Variants in ATF1 observed in about 807,000 individuals in gnomAD.
ATF1 encodes cyclic AMP-dependent transcription factor ATF-1.
ATF1 carries 16 observed loss-of-function variants against 34.7 expected under a neutral mutation model. The ratio of observed to expected loss-of-function variants is 0.46; its 90% confidence interval spans 0.31 to 0.70. The LOEUF (loss-of-function observed/expected upper bound fraction) is 0.70. ATF1 is among the 30% of genes least tolerant of loss of function. The pLI is 0.05. For missense variants in ATF1, 255 were observed against 321.6 expected (o/e 0.79, Z 1.58); for synonymous variants, 105 against 113.1 (o/e 0.93, Z 0.46).
In ATF1 at chr12:50,781,746, C is replaced by T. The variant is rs887005234; in HGVS notation, c.93+1508C>T. Among the ~76,000 whole-genome samples, 56 of 151,668 alleles carry T rather than the reference C, an allele frequency of 3.7e-4. 1 individual carries two copies. The highest frequency in any genetic ancestry group is 4.9e-4 in the Non-Finnish European group (33 of 67,946). ...GATTACAGGCGTGAGCCACCGTGCC[C>T]GGCCAAAAAATTTTAAAAATTAGCT... On this transcript the variant is annotated intron_variant, in intron 2 of 6. Coordinates refer to ENST00000262053, the MANE Select transcript of ATF1 (RefSeq NM_005171.5).
chr12:50,795,058 T>C (rs1941383371), intron 2 of ATF1, among the ~76,000 whole-genome samples: 1 of 152,262 alleles, frequency 6.6e-6, no homozygotes, highest in Non-Finnish European at 1.5e-5. Context: ...GTGTTGCATG[T>C]ATTAACTTGT....
At chr12:50,813,948 C>T (rs1941788186) in intron 4 of ATF1, 62 bp from the exon 5 acceptor site, 1 of 1,489,182 alleles carries the variant, frequency 6.7e-7, no homozygotes, top group South Asian at 1.3e-5. Context: ...GGCTTTTTGC[C>T]ACTCCTTTGA....
chr12:50,791,959 C>T (rs1941311138), intron 2 of ATF1, among the ~76,000 whole-genome samples: 1 of 152,064 alleles, frequency 6.6e-6, no homozygotes, highest in African/African-American at 2.4e-5. Context: ...TGGTGTTTCA[C>T]TCACTTTTTG....
chr12:50,787,127 CTT>C (rs1405787254), intron 2 of ATF1, among the ~76,000 whole-genome samples: 2 of 152,184 alleles, frequency 1.3e-5, no homozygotes, highest in Non-Finnish European at 2.9e-5. Context: ...GGTGTACTCT[CTT>C]GTTTTCCCAT....
rs918458746 is a variant in ATF1 at position 50,814,039 on chromosome 12, T to C, written c.358T>C (p.Leu120=). The C allele has an allele frequency of 1.1e-5, 18 of 1,613,774 alleles. No individual in the cohort carries two copies. Among genetic ancestry groups the C allele is most frequent in the Middle Eastern group, 3.3e-4 (2 of 6,082 alleles). Residue 120 remains leucine (L), a synonymous_variant, in exon 5 of 7, where the codon TTG becomes CTG. Coordinates refer to ENST00000262053, the MANE Select transcript of ATF1 (RefSeq NM_005171.5). ...CATTGCCCCAAATGGAGCCTTACAG[T>C]TGGCAAGTCCAGGCACAGATGGAGT... ...IAIAPNGALQ[L]ASPGTDGVQG...
intron 3 of ATF1, among the ~76,000 whole-genome samples, chr12:50,807,700 T>A (rs966950645): frequency 2.6e-5 from 4 of 152,214 alleles, no homozygotes; most frequent in African/African-American, 9.6e-5. Context: ...TTTTCTCATT[T>A]TTCTACAGTG....
At chr12:50,796,935 T>C (rs924566932) in intron 3 of ATF1, among the ~76,000 whole-genome samples, 2 of 152,168 alleles carry the variant, frequency 1.3e-5, no homozygotes, top group African/African-American at 4.8e-5. Flanking sequence ...AACGTGTCTG[T>C]GTAGCAAAGG....
chr12:50,813,595 C>G (rs1027655690), intron 4 of ATF1, among the ~76,000 whole-genome samples: 11 of 152,102 alleles, frequency 7.2e-5, no homozygotes, highest in Non-Finnish European at 1.6e-4. Flanking sequence ...GGGTGAATCA[C>G]CTGGGGTCAG....
chr12:50,786,479 A>G (rs770811919), intron 2 of ATF1, among the ~76,000 whole-genome samples: 9 of 152,116 alleles, frequency 5.9e-5, no homozygotes, highest in Non-Finnish European at 1.3e-4. Flanking sequence ...GTTTTTCTCC[A>G]AGGACCTCCA....
chr12:50,771,206 A>C (rs1940761799), intron 1 of ATF1, among the ~76,000 whole-genome samples: 2 of 152,080 alleles, frequency 1.3e-5, no homozygotes, highest in Admixed American at 6.6e-5. Context: ...GGGTTTCACC[A>C]TGTTGGCCAG....
At chr12:50,809,373 CAAAA>C (rs56060219) in intron 3 of ATF1, 79 bp from the exon 4 acceptor site, 3,839 of 751,844 alleles carry the variant, frequency 5.1e-3, no homozygotes, top group South Asian at 8.5e-3. Flanking sequence ...GATCTTGTCT[CAAAA>C]AAAAAAAAAA....
At position 50,764,224 on chromosome 12, in the gene ATF1, G is replaced by A; in HGVS notation, c.-90G>A. The A allele has an allele frequency of 6.6e-6, 1 of 152,112 alleles. No individual in the cohort carries two copies. The highest frequency in any genetic ancestry group is 1.5e-5 in the Non-Finnish European group (1 of 67,928). The allele number at this position is 152,112 out of a possible 1,614,324, so 9.4% of individuals were successfully genotyped here. A position where few individuals can be genotyped will look rare whatever the true frequency, so the allele number is the denominator to read the frequency against. On this transcript the variant is annotated 5_prime_UTR_variant, in exon 1 of 7. Coordinates refer to ENST00000262053, the MANE Select transcript of ATF1 (RefSeq NM_005171.5). ...TTGTCCCCCGCTGCGTGAGGGGGTG[G>A]GGAAGTGGGTAGTGAATTCGGATCT...
At chr12:50,808,631 C>G (rs1291557431) in intron 3 of ATF1, among the ~76,000 whole-genome samples, 3 of 151,828 alleles carry the variant, frequency 2.0e-5, no homozygotes, top group Non-Finnish European at 4.4e-5. Flanking sequence ...GCCCAGCCCT[C>G]TTTACTCTTT....
At chr12:50,772,518 G>A (rs1320603453) in intron 1 of ATF1, among the ~76,000 whole-genome samples, 1 of 151,906 alleles carries the variant, frequency 6.6e-6, no homozygotes, top group Non-Finnish European at 1.5e-5. Context: ...TAGAGACCGA[G>A]TTTCACCATG....
At chr12:50,812,162 A>G (rs1260258466) in intron 4 of ATF1, among the ~76,000 whole-genome samples, 1 of 90,450 alleles carries the variant, frequency 1.1e-5, no homozygotes, top group Admixed American at 1.0e-4. Flanking sequence ...GTAAATACAC[A>G]TGTTAAGAAC....
intron 4 of ATF1, among the ~76,000 whole-genome samples, chr12:50,812,552 C>T (rs1941758764): frequency 6.6e-6 from 1 of 152,168 alleles, no homozygotes; most frequent in South Asian, 2.1e-4. Flanking sequence ...CAAATCTCAG[C>T]CTGGCGTGTT....
At chr12:50,778,319 G>A (rs549500802) in intron 1 of ATF1, among the ~76,000 whole-genome samples, 45 of 138,392 alleles carry the variant, frequency 3.3e-4, no homozygotes, top group Admixed American at 5.6e-4. Flanking sequence ...TCCACCTCCC[G>A]GGTTCAAATG....
At chr12:50,797,022 T>C (rs1039586710) in intron 3 of ATF1, among the ~76,000 whole-genome samples, 1 of 151,852 alleles carries the variant, frequency 6.6e-6, no homozygotes, top group African/African-American at 2.4e-5. Flanking sequence ...TGATAAGGGG[T>C]TAATACCCGT....
intron 1 of ATF1, among the ~76,000 whole-genome samples, chr12:50,765,502 TTTTTG>T (rs1042369891): frequency 6.6e-5 from 10 of 152,262 alleles, no homozygotes; most frequent in South Asian, 2.1e-4. Flanking sequence ...TCTTTGCCAG[TTTTTG>T]TTTTGTTTTG....
Sources: gnomAD v4.1 joint callset for allele counts (sites outside exome capture counted in the v4.1 genomes callset) on GRCh38, gnomAD v4.1.1 for gene constraint, MANE v1.5 for transcripts, NCBI Gene and HGNC (gene_info 2026-07-23, HGNC 2026-07-21) for gene names.